The following TNNI3K variants were observed in gnomAD, a reference collection of about 807,000 sequenced individuals.
The protein encoded by TNNI3K is serine/threonine-protein kinase TNNI3K.
TNNI3K carries 140 observed loss-of-function variants against 114.5 expected under a neutral mutation model. That is an observed-to-expected ratio of 1.22 (90% confidence interval 1.07 to 1.41). The LOEUF is 1.41. Among genes scored for constraint, TNNI3K ranks in the 40% most tolerant of loss-of-function variants. The probability of loss-of-function intolerance (pLI) is 0.00; values close to 1 mark genes in which losing one functional copy is unlikely to be tolerated. For synonymous variants in TNNI3K, 347 were observed against 347.5 expected (o/e 1.00, Z 0.02); for missense variants, 1,125 against 1,007.6 (o/e 1.12, Z -1.58).
intron 16 of TNNI3K, among the ~76,000 whole-genome samples, 193 bp from the exon 17 acceptor site, chr1:74,370,095 A>T (rs189576681): frequency 2.0e-5 from 3 of 151,926 alleles, no homozygotes; most frequent in Non-Finnish European, 2.9e-5. Flanking sequence ...GAGATGCTGT[A>T]TATCTTAATT....
intron 5 of TNNI3K, among the ~76,000 whole-genome samples, chr1:74,301,378 C>G (rs1283287232): frequency 6.6e-6 from 1 of 151,828 alleles, no homozygotes; most frequent in Non-Finnish European, 1.5e-5. Context: ...CTAGCCTAGG[C>G]AACAGAGCAA....
intron 17 of TNNI3K, among the ~76,000 whole-genome samples, chr1:74,412,492 G>C (rs1019631037): frequency 1.3e-5 from 2 of 152,178 alleles, no homozygotes; most frequent in African/African-American, 2.4e-5. Context: ...GGAGGACGTG[G>C]CTGCAGCCAG....
intron 20 of TNNI3K, among the ~76,000 whole-genome samples, chr1:74,440,299 G>T (rs916473762): frequency 1.8e-4 from 27 of 151,970 alleles, no homozygotes; most frequent in African/African-American, 6.5e-4. Flanking sequence ...TTCATATCTT[G>T]TCACACTAGA....
At chr1:74,352,404 A>G (rs1051244018) in intron 9 of TNNI3K, among the ~76,000 whole-genome samples, 8 of 152,046 alleles carry the variant, frequency 5.3e-5, no homozygotes, top group Non-Finnish European at 8.8e-5. Context: ...CAGTTAGGCT[A>G]CTCGGGGGTC....
At chr1:74,359,157 T>G (rs1263815268) in intron 11 of TNNI3K, among the ~76,000 whole-genome samples, 1 of 151,966 alleles carries the variant, frequency 6.6e-6, no homozygotes, top group East Asian at 1.9e-4. Context: ...ATCCTTATTA[T>G]TTAATGACCT....
At position 74,353,312 on chromosome 1, in the gene TNNI3K, G is replaced by C. The variant is rs567450408; in HGVS notation, c.979G>C (p.Asp327His). 1.2e-6 allele frequency: 2 copies of C among 1,613,200 alleles called. No homozygotes were observed. The highest frequency in any genetic ancestry group is 2.2e-5 in the East Asian group (1 of 44,800). Reference sequence around the variant, plus strand: ...CATTGACCTAGTCAAATTTCTTCTTGATCAGAATGTCATAAACATCAACCA... The same window carrying C: ...CATTGACCTAGTCAAATTTCTTCTTCATCAGAATGTCATAAACATCAACCA... The part of the protein sequence containing the change: ...KSIDLVKFLL[D>H]QNVININHQG... The change falls in exon 10 of 25, where the codon GAT becomes CAT. Residue 327 changes from aspartate to histidine, a missense_variant. Physicochemically the swap from Asp to His is moderately conservative, Grantham distance 81 (BLOSUM62 -1). Coordinates refer to ENST00000326637, the MANE Select transcript of TNNI3K (RefSeq NM_015978.3).
At chr1:74,413,047 A>C (rs1664961295) in intron 17 of TNNI3K, among the ~76,000 whole-genome samples, 1 of 152,216 alleles carries the variant, frequency 6.6e-6, no homozygotes, top group African/African-American at 2.4e-5. Context: ...AGGTGTTATT[A>C]GTGATGTCAG....
intron 2 of TNNI3K, among the ~76,000 whole-genome samples, chr1:74,246,140 T>C (rs939463933): frequency 1.3e-5 from 2 of 152,238 alleles, no homozygotes; most frequent in East Asian, 3.8e-4. Context: ...AAAATGAGCC[T>C]ACTTATAAAT....
intron 17 of TNNI3K, chr1:74,371,082 G>A (rs778062795): frequency 1.3e-5 from 2 of 151,876 alleles, no homozygotes; most frequent in African/African-American, 2.4e-5. Flanking sequence ...CAAAGGTGCT[G>A]TAGAGAATAG....
chr1:74,492,294 A>G, intron 23 of TNNI3K, 28 bp downstream of exon 23: 1 of 1,457,892 alleles, frequency 6.9e-7, no homozygotes, highest in Non-Finnish European at 9.2e-7. Context: ...CAAATCTCAC[A>G]GTAAAGTCTT....
chr1:74,441,015 C>T (rs1666354005), intron 20 of TNNI3K, among the ~76,000 whole-genome samples: 1 of 152,132 alleles, frequency 6.6e-6, no homozygotes, highest in South Asian at 2.1e-4. Flanking sequence ...CACTTACCAT[C>T]ATCCACCACC....
intron 20 of TNNI3K, among the ~76,000 whole-genome samples, chr1:74,457,625 C>A (rs1034453154): frequency 2.0e-5 from 3 of 152,164 alleles, no homozygotes; most frequent in African/African-American, 7.2e-5. Context: ...TAAGATACTT[C>A]TGGCAATTTT....
At chr1:74,464,590 A>G in intron 21 of TNNI3K, 1 of 1,528,030 alleles carries the variant, frequency 6.5e-7, no homozygotes, top group Non-Finnish European at 8.8e-7. Flanking sequence ...GCCCCAGTCC[A>G]GATGTTTGAA....
In TNNI3K at chr1:74,409,014, T is replaced by G. The variant is rs1664754907; in HGVS notation, c.1773-27066T>G. ...TAACAAAAAAAAAAAAAATAGAGTC[T>G]TCTTAAAGGTACCAGAATTAACTAT... On this transcript the variant is annotated intron_variant, in intron 17 of 24. Coordinates refer to ENST00000326637, the MANE Select transcript of TNNI3K (RefSeq NM_015978.3). Among the ~76,000 whole-genome samples, 3 of 152,074 alleles carry G rather than the reference T, an allele frequency of 2.0e-5. No homozygotes were observed. The South Asian group carries it at 6.2e-4, about 31-fold the overall frequency.
At chr1:74,352,047 C>CT (rs1221108136) in intron 9 of TNNI3K, among the ~76,000 whole-genome samples, 3 of 152,126 alleles carry the variant, frequency 2.0e-5, no homozygotes, top group African/African-American at 7.2e-5. Context: ...AGGTGCTCTG[C>CT]TTTTTAGAGT....
At chr1:74,412,834 G>A (rs1237997209) in intron 17 of TNNI3K, among the ~76,000 whole-genome samples, 3 of 152,026 alleles carry the variant, frequency 2.0e-5, no homozygotes, top group Middle Eastern at 3.2e-3. Flanking sequence ...GGCTGGCGTC[G>A]AACTCCTGAC....
At chr1:74,365,763 T>A (rs1662237160) in intron 11 of TNNI3K, among the ~76,000 whole-genome samples, 1 of 152,034 alleles carries the variant, frequency 6.6e-6, no homozygotes, top group South Asian at 2.1e-4. Context: ...CTCGCTGCAG[T>A]CCAAAGAAAG....
At chr1:74,282,197 A>G (rs1657056555) in intron 5 of TNNI3K, among the ~76,000 whole-genome samples, 1 of 152,054 alleles carries the variant, frequency 6.6e-6, no homozygotes, top group African/African-American at 2.4e-5. Context: ...ACAGAGACCA[A>G]GATGCCAGAC....
rs138299635 is a variant in TNNI3K, at chr1:74,543,951, G to T, written c.2477G>T (p.Arg826Leu). 6.2e-7 allele frequency: 1 copy of T among 1,613,238 alleles called. No homozygotes were observed. Among genetic ancestry groups the T allele is most frequent in the East Asian group, 2.2e-5 (1 of 44,818 alleles). ...PMSSMHFHSC[R>L]NSSSFEDSS is the part of the protein sequence containing the mutation. ...AGCTCAATGCATTTTCATTCTTGCC[G>T]AAATAGTAGCAGCTTTGAGGACAGC... Residue 826 changes from arginine (R) to leucine (L), a missense_variant, in exon 25 of 25, where the codon CGA becomes CTA. Transcript: ENST00000326637.
Sources: gnomAD v4.1 joint callset for allele counts (sites outside exome capture counted in the v4.1 genomes callset) on GRCh38, gnomAD v4.1.1 for gene constraint, MANE v1.5 for transcripts, NCBI Gene and HGNC (gene_info 2026-07-23, HGNC 2026-07-21) for gene names.